The following GLUD1 variants were observed in gnomAD, a reference collection of about 807,000 sequenced individuals.
The protein encoded by GLUD1 is glutamate dehydrogenase 1.
Under a neutral mutation model 56.0 loss-of-function variants are expected in GLUD1, and 22 were observed. That is an observed-to-expected ratio of 0.39 (90% confidence interval 0.28 to 0.56). The LOEUF (loss-of-function observed/expected upper bound fraction) is 0.56. Ranked by LOEUF, GLUD1 falls within the 20% of genes least tolerant of loss-of-function variation. The pLI is 0.58. For synonymous variants in GLUD1, 223 were observed against 269.9 expected (o/e 0.83, Z 1.70); for missense variants, 451 against 732.0 (o/e 0.62, Z 4.43).
At chr10:87,080,612 C>T (rs563376547) in intron 1 of GLUD1, among the ~76,000 whole-genome samples, 4 of 150,374 alleles carry the variant, frequency 2.7e-5, no homozygotes, top group South Asian at 4.2e-4. Flanking sequence ...ATGTGAGGAG[C>T]GCCTCTGCCC....
intron 5 of GLUD1, chr10:87,067,795 C>A: frequency 2.4e-6 from 1 of 413,876 alleles, no homozygotes; most frequent in Non-Finnish European, 4.5e-6. Context: ...GAATTGGATG[C>A]TTCTTGATGT....
At chr10:87,062,884 T>C (rs1845972297) in intron 5 of GLUD1, 49 bp from the exon 6 acceptor site, 27 of 1,530,690 alleles carry the variant, frequency 1.8e-5, no homozygotes, top group Non-Finnish European at 2.4e-5. Context: ...CCAATTTCTC[T>C]GTTGAAGGAA....
At position 87,062,979 on chromosome 10, in the gene GLUD1, A is replaced by G. The variant is rs972976701; in HGVS notation, c.742-144T>C. 238 of 743,980 alleles carry G rather than the reference A, an allele frequency of 3.2e-4. 1 individual carries two copies. The highest frequency in any genetic ancestry group is 7.3e-5 in the Non-Finnish European group (32 of 435,840). 46.1% of individuals were successfully genotyped at this position (743,980 alleles called of 1,614,324 possible). A position where few individuals can be genotyped will look rare whatever the true frequency, so the allele number is the denominator to read the frequency against. ...GTGTGTATGAATGTATTTAAGGTATACTTTTACCAATAGAGACAAGACTCA... is the reference window on the plus strand; with the variant it reads ...GTGTGTATGAATGTATTTAAGGTATGCTTTTACCAATAGAGACAAGACTCA... On this transcript the variant is annotated intron_variant, in intron 5 of 12. Transcript: ENST00000277865.
At chr10:87,052,668 TCAAAAAA>T (rs1845668103) in intron 12 of GLUD1, among the ~76,000 whole-genome samples, 4 of 16,538 alleles carry the variant, frequency 2.4e-4, no homozygotes, top group African/African-American at 5.2e-4. Flanking sequence ...AAACTCCGTC[TCAAAAAA>T]AAAAAAAAAA....
chr10:87,090,540 T>C (rs1415102155), intron 1 of GLUD1, among the ~76,000 whole-genome samples: 2 of 152,146 alleles, frequency 1.3e-5, no homozygotes, highest in African/African-American at 4.8e-5. Flanking sequence ...CATTTTCTAG[T>C]ATACTTTGGG....
chr10:87,061,844 C>T (rs1379278833), intron 6 of GLUD1, among the ~76,000 whole-genome samples: 3 of 151,864 alleles, frequency 2.0e-5, no homozygotes, highest in African/African-American at 4.8e-5. Flanking sequence ...AGTGCAGTGG[C>T]GCAATCTCGG....
At chr10:87,057,222 C>T (rs955560213) in intron 11 of GLUD1, among the ~76,000 whole-genome samples, 1 of 151,956 alleles carries the variant, frequency 6.6e-6, no homozygotes, top group African/African-American at 2.4e-5. Context: ...GACTTGACTT[C>T]GTGATCCACC....
rs1451718906 is a variant in GLUD1, at chr10:87,060,723, A to T, written c.1162T>A (p.Leu388Met). ...ILIPAASEKQ[L>M]TKSNAPRVKA... The stretch of plus-strand genomic sequence containing the variant: ...ACTCTGGGTGCGTTGGATTTGGTCA[A>T]CTGCTTCTCACTGGCAGCTGGGATC... Residue 388 changes from leucine to methionine, a missense_variant, in exon 8 of 13, where the codon TTG becomes ATG. Coordinates refer to ENST00000277865, the MANE Select transcript of GLUD1 (RefSeq NM_005271.5). 1.2e-6 allele frequency: 2 copies of T among 1,614,166 alleles called. No homozygotes were observed. The highest frequency in any genetic ancestry group is 1.7e-6 in the Non-Finnish European group (2 of 1,180,024).
In GLUD1 at chr10:87,074,543, A is replaced by G. The variant is rs760680835; in HGVS notation, c.646+8T>C. Reference sequence around the variant, plus strand: ...ACTTTATACCAAAAACTATGTGGCTACACATACCAATAAAGCCCTTTTTTG... The same window carrying G: ...ACTTTATACCAAAAACTATGTGGCTGCACATACCAATAAAGCCCTTTTTTG... On this transcript the variant is annotated splice_region_variant and intron_variant, in intron 4 of 12. Coordinates refer to ENST00000277865, the MANE Select transcript of GLUD1 (RefSeq NM_005271.5). The G allele has an allele frequency of 1.2e-5, 18 of 1,519,950 alleles. No individual in the cohort carries two copies. Among genetic ancestry groups the G allele is most frequent in the Non-Finnish European group, 1.4e-5 (15 of 1,094,234 alleles). The allele number at this position is 1,519,950 out of a possible 1,614,324, so 94.2% of individuals were successfully genotyped here.
chr10:87,051,466 G>C lies in GLUD1; in HGVS notation c.*285C>G. The C allele has an allele frequency of 4.4e-6, 2 of 459,074 alleles. No homozygotes were observed. Among genetic ancestry groups the C allele is most frequent in the Non-Finnish European group, 8.3e-6 (2 of 239,860 alleles). The allele number at this position is 459,074 out of a possible 1,614,324, so 28.4% of individuals were successfully genotyped here. A position where few individuals can be genotyped will look rare whatever the true frequency, so the allele number is the denominator to read the frequency against. On this transcript the variant is annotated 3_prime_UTR_variant, in exon 13 of 13. Transcript: ENST00000277865. The stretch of plus-strand genomic sequence containing the variant: ...ACTGATTGTGTTGGGAAAAGCCACA[G>C]AGCAAGGCTGCACAGCCAGATAAAG...
chr10:87,070,894 C>T (rs1846216367), intron 4 of GLUD1, among the ~76,000 whole-genome samples: 1 of 151,944 alleles, frequency 6.6e-6, no homozygotes, highest in Non-Finnish European at 1.5e-5. Context: ...CTTTGGGAGG[C>T]CGAGGTGAGT....
rs373705613 is a variant in GLUD1, at chr10:87,051,776, T to C, written c.1652A>G (p.Asn551Ser). The change falls in exon 13 of 13, where the codon AAT (asparagine) becomes AGT (serine). Residue 551 changes from asparagine to serine, a missense_variant. Around this residue, in one of 4 missense-constraint regions of GLUD1, gnomAD observed 43 missense variants for 61.6 expected, o/e 0.70. Coordinates refer to ENST00000277865, the MANE Select transcript of GLUD1 (RefSeq NM_005271.5). ...NAIEKVFKVY[N>S]EAGVTFT is the part of the protein sequence containing the mutation. The stretch of plus-strand genomic sequence containing the variant: ...CTATGTGAAGGTCACACCAGCTTCA[T>C]TGTACACTTTGAAGACTTTCTCAAT... 3.2e-5 allele frequency: 52 copies of C among 1,612,742 alleles called. No individual in the cohort carries two copies. Among genetic ancestry groups the C allele is most frequent in the African/African-American group, 1.7e-4 (13 of 74,924 alleles).
At chr10:87,073,613 T>C in intron 4 of GLUD1, among the ~76,000 whole-genome samples, 1 of 101,466 alleles carries the variant, frequency 9.9e-6, no homozygotes, top group South Asian at 3.0e-4. Flanking sequence ...TAACATTCTT[T>C]TTTTTTTTTT....
chr10:87,086,079 C>T (rs999687410), intron 1 of GLUD1, among the ~76,000 whole-genome samples: 4 of 152,104 alleles, frequency 2.6e-5, no homozygotes, highest in East Asian at 1.9e-4. Context: ...TACAAGTCTA[C>T]GTGATAATTT....
intron 5 of GLUD1, among the ~76,000 whole-genome samples, chr10:87,064,192 C>A (rs899811357): frequency 1.3e-5 from 2 of 152,062 alleles, no homozygotes; most frequent in Non-Finnish European, 2.9e-5. Context: ...GGATTACAGG[C>A]GTGAGCCACC....
chr10:87,066,563 C>T (rs1846082047), intron 5 of GLUD1, among the ~76,000 whole-genome samples: 2 of 152,158 alleles, frequency 1.3e-5, no homozygotes, highest in African/African-American at 4.8e-5. Flanking sequence ...CCTTCTGTTC[C>T]AAACACTTGC....
At chr10:87,060,601 AAG>A in intron 8 of GLUD1, 85 bp downstream of exon 8, 2 of 1,515,288 alleles carry the variant, frequency 1.3e-6, no homozygotes, top group South Asian at 1.1e-5. Context: ...GCTAAAAAGA[AAG>A]AGAAAACTCA....
At chr10:87,083,602 A>T (rs1841312408) in intron 1 of GLUD1, among the ~76,000 whole-genome samples, 1 of 152,222 alleles carries the variant, frequency 6.6e-6, no homozygotes, top group South Asian at 2.1e-4. Context: ...ACAGAGATCA[A>T]ACAGGGGCAC....
chr10:87,076,523 T>C (rs761035295), intron 2 of GLUD1, 53 bp downstream of exon 2: 2 of 1,030,112 alleles, frequency 1.9e-6, no homozygotes, highest in East Asian at 2.4e-5. Flanking sequence ...AACATGTGTG[T>C]AAACATATTT....
Sources: allele counts gnomAD v4.1 joint callset (sites outside exome capture counted in the v4.1 genomes callset), GRCh38; gene constraint gnomAD v4.1.1; regional missense constraint gnomAD v4.1.1; transcripts MANE v1.5; gene names NCBI Gene and HGNC (gene_info 2026-07-23, HGNC 2026-07-21).